EXOC6B: variants seen among roughly 807,000 people sequenced by gnomAD.
EXOC6B encodes SEC15 homolog B.
A neutral mutation model predicts 113.5 loss-of-function variants in EXOC6B; 54 were observed. The observed-to-expected ratio is 0.48, with a 90% CI of 0.38 to 0.60. EXOC6B has a LOEUF of 0.60. EXOC6B is among the 20% of genes least tolerant of loss of function. The pLI, the probability that EXOC6B is intolerant of heterozygous loss-of-function variation, is 0.00. For synonymous variants in EXOC6B, 357 were observed against 339.0 expected, an observed-to-expected ratio of 1.05 and a Z score of -0.58; for missense variants, 797 against 977.5, an observed-to-expected ratio of 0.82 and a Z score of 2.46.
At chr2:72,548,589 A>G (rs1323186586) in intron 8 of EXOC6B, among the ~76,000 whole-genome samples, 1 of 152,186 alleles carries the variant, frequency 6.6e-6, no homozygotes, top group Non-Finnish European at 1.5e-5. Context: ...GATATTGTGT[A>G]ACAGTCCCCG....
intron 6 of EXOC6B, among the ~76,000 whole-genome samples, chr2:72,706,023 G>A (rs2104663708): frequency 6.6e-6 from 1 of 152,256 alleles, no homozygotes; most frequent in Non-Finnish European, 1.5e-5. Context: ...CATTGGGATA[G>A]AAGAATAAAT....
At chr2:72,371,416 A>C (rs1691009515) in intron 19 of EXOC6B, among the ~76,000 whole-genome samples, 1 of 152,236 alleles carries the variant, frequency 6.6e-6, no homozygotes, top group African/African-American at 2.4e-5. Flanking sequence ...TCTCTGATGA[A>C]TATTGACATA....
At chr2:72,572,985 C>T (rs1704608059) in intron 7 of EXOC6B, among the ~76,000 whole-genome samples, 1 of 152,138 alleles carries the variant, frequency 6.6e-6, no homozygotes, top group South Asian at 2.1e-4. Flanking sequence ...AAAATATTAA[C>T]TTCCAAGTAC....
intron 6 of EXOC6B, among the ~76,000 whole-genome samples, chr2:72,715,621 C>T (rs923840210): frequency 1.3e-5 from 2 of 152,068 alleles, no homozygotes; most frequent in African/African-American, 2.4e-5. Context: ...AGGAACTTCA[C>T]GGGGCCTGCC....
At chr2:72,608,977 C>T (rs1235210295) in intron 6 of EXOC6B, among the ~76,000 whole-genome samples, 1 of 152,084 alleles carries the variant, frequency 6.6e-6, no homozygotes. Flanking sequence ...AATACTGACA[C>T]TTAGGCTAGT....
intron 6 of EXOC6B, among the ~76,000 whole-genome samples, chr2:72,619,129 C>G (rs1479757088): frequency 1.3e-5 from 2 of 152,002 alleles, no homozygotes; most frequent in Non-Finnish European, 2.9e-5. Flanking sequence ...CAGCCATTCT[C>G]CTACCACATG....
chr2:72,732,125 C>A (rs995030782), intron 3 of EXOC6B, among the ~76,000 whole-genome samples: 10 of 152,088 alleles, frequency 6.6e-5, no homozygotes. Context: ...GTAAATATGT[C>A]AATCAATAGA....
intron 6 of EXOC6B, among the ~76,000 whole-genome samples, chr2:72,630,643 TA>T (rs1672327159): frequency 6.6e-6 from 1 of 152,052 alleles, no homozygotes. Context: ...CATGATACAA[TA>T]AATATTTATT....
At chr2:72,801,516 T>G (rs1216376969) in intron 1 of EXOC6B, among the ~76,000 whole-genome samples, 2 of 152,190 alleles carry the variant, frequency 1.3e-5, no homozygotes, top group African/African-American at 4.8e-5. Context: ...AAGCACTATG[T>G]TGACTGTCTC....
chr2:72,765,370 G>A (rs796924308), intron 1 of EXOC6B, among the ~76,000 whole-genome samples: 2 of 152,184 alleles, frequency 1.3e-5, no homozygotes, highest in African/African-American at 4.8e-5. Context: ...TTTCCTGAGG[G>A]ACTAACAGAA....
intron 8 of EXOC6B, among the ~76,000 whole-genome samples, chr2:72,551,785 C>T (rs1703246928): frequency 6.6e-6 from 1 of 152,138 alleles, no homozygotes; most frequent in African/African-American, 2.4e-5. Context: ...CGTGAGCCAC[C>T]GCGCCCGGCC....
chr2:72,752,401 G>A (rs550074595), intron 1 of EXOC6B, among the ~76,000 whole-genome samples: 76 of 151,900 alleles, frequency 5.0e-4, no homozygotes, highest in Admixed American at 1.2e-3. Context: ...TTCTTTGGTG[G>A]GGGGAAGCTG....
At chr2:72,530,112 C>T (rs1356441350) in intron 8 of EXOC6B, among the ~76,000 whole-genome samples, 3 of 152,086 alleles carry the variant, frequency 2.0e-5, no homozygotes, top group Non-Finnish European at 4.4e-5. Flanking sequence ...TCTACTGTTT[C>T]CTGCTTTCAA....
chr2:72,449,213 C>T (rs920902912), intron 18 of EXOC6B, among the ~76,000 whole-genome samples: 5 of 151,752 alleles, frequency 3.3e-5, no homozygotes, highest in South Asian at 2.1e-4. Context: ...GACGGAGTCT[C>T]GCTCTGTCGC....
chr2:72,776,703 T>A (rs1683724497), intron 1 of EXOC6B, among the ~76,000 whole-genome samples: 1 of 152,136 alleles, frequency 6.6e-6, no homozygotes, highest in African/African-American at 2.4e-5. Flanking sequence ...GATGTATTTA[T>A]AAAAGTTAAT....
At chr2:72,401,581 AC>A (rs1693248302) in intron 18 of EXOC6B, among the ~76,000 whole-genome samples, 1 of 20,032 alleles carries the variant, frequency 5.0e-5, no homozygotes, top group South Asian at 1.1e-3. Flanking sequence ...ATATATATAT[AC>A]ATATATATAT....
At chr2:72,642,063 C>A (rs1673288498) in intron 6 of EXOC6B, among the ~76,000 whole-genome samples, 1 of 152,172 alleles carries the variant, frequency 6.6e-6, no homozygotes, top group Admixed American at 6.5e-5. Context: ...AGGACATCCA[C>A]ACCAAAACCC....
At chr2:72,370,235 G>T (rs1017683774) in intron 19 of EXOC6B, among the ~76,000 whole-genome samples, 6 of 152,212 alleles carry the variant, frequency 3.9e-5, no homozygotes, top group South Asian at 2.1e-4. Context: ...AGAAGACATT[G>T]ATGCAGCCAA....
At chr2:72,230,305 GA>G (rs1411755931) in intron 20 of EXOC6B, among the ~76,000 whole-genome samples, 1 of 152,166 alleles carries the variant, frequency 6.6e-6, no homozygotes, top group Non-Finnish European at 1.5e-5. Context: ...AACTAAGTTA[GA>G]AAAAATTATT....
Sources: allele counts gnomAD v4.1 joint callset (sites outside exome capture counted in the v4.1 genomes callset), GRCh38; gene constraint gnomAD v4.1.1; transcripts MANE v1.5; gene names NCBI Gene and HGNC (gene_info 2026-07-23, HGNC 2026-07-21).